Variants in AKAP6 observed in about 807,000 individuals in gnomAD.
The protein encoded by AKAP6 is A-kinase anchoring protein 6, also known as A-kinase anchor protein 6.
A neutral mutation model predicts 188.5 loss-of-function variants in AKAP6; 58 were observed. The ratio of observed to expected loss-of-function variants is 0.31; its 90% confidence interval spans 0.25 to 0.38. The LOEUF is 0.38. Ranked by LOEUF, AKAP6 falls within the 10% of genes least tolerant of loss-of-function variation. AKAP6 has a pLI of 1.00. For missense variants in AKAP6, 2,710 were observed against 2,740.0 expected, an observed-to-expected ratio of 0.99 and a Z score of 0.24; for synonymous variants, 989 against 998.6, an observed-to-expected ratio of 0.99 and a Z score of 0.18.
chr14:32,605,113 TG>T (rs1886079832), intron 7 of AKAP6, among the ~76,000 whole-genome samples: 1 of 149,414 alleles, frequency 6.7e-6, no homozygotes, highest in Non-Finnish European at 1.5e-5. Context: ...CTGAGGATAA[TG>T]GACAAGCCTT....
intron 4 of AKAP6, among the ~76,000 whole-genome samples, chr14:32,553,910 C>T (rs138960062): frequency 2.7e-4 from 41 of 152,318 alleles, no homozygotes; most frequent in African/African-American, 9.4e-4. Flanking sequence ...GGGAACTTCT[C>T]AAGGCCTAAA....
intron 7 of AKAP6, among the ~76,000 whole-genome samples, chr14:32,635,888 T>A (rs1357037180): frequency 2.0e-5 from 3 of 152,030 alleles, no homozygotes; most frequent in Non-Finnish European, 4.4e-5. Flanking sequence ...TATAAAGCCA[T>A]GTTTATTAGC....
chr14:32,623,827 A>T (rs60800580), intron 7 of AKAP6, among the ~76,000 whole-genome samples: 4,117 of 152,206 alleles, frequency 0.027, 201 homozygotes, highest in African/African-American at 0.092. Context: ...GTCTCCTAAC[A>T]AGCACTGAGC....
chr14:32,379,869 C>T lies in AKAP6; in HGVS notation c.-35+50461C>T, dbSNP rs117891821. Among the ~76,000 whole-genome samples, 46 of 152,310 alleles carry T rather than the reference C, an allele frequency of 3.0e-4. 1 individual carries two copies. The East Asian group carries it at 8.7e-3, about 29-fold the overall frequency. ...TCCTCCCTATCACTCCACCTCTAAT[C>T]GTGTATCAAACCCTGTCACATCTGC... is the stretch of plus-strand genomic sequence containing the variant. On this transcript the variant is annotated intron_variant, in intron 1 of 13. Transcript: ENST00000280979.
At chr14:32,711,294 T>C (rs760199677) in intron 9 of AKAP6, among the ~76,000 whole-genome samples, 16 of 152,088 alleles carry the variant, frequency 1.1e-4, no homozygotes, top group South Asian at 2.1e-4. Context: ...TACTCTGTTG[T>C]GCTTCTGGTA....
intron 7 of AKAP6, among the ~76,000 whole-genome samples, chr14:32,669,060 A>G (rs949434365): frequency 6.6e-6 from 1 of 152,160 alleles, no homozygotes; most frequent in African/African-American, 2.4e-5. Flanking sequence ...TTGAATGAAT[A>G]TTTGAGCTAC....
intron 7 of AKAP6, among the ~76,000 whole-genome samples, chr14:32,609,575 A>C (rs1250906312): frequency 6.6e-6 from 1 of 152,048 alleles, no homozygotes; most frequent in Non-Finnish European, 1.5e-5. Context: ...AGAGGCCAAC[A>C]CTTGTTTAGC....
rs1889049179 is a variant in AKAP6 at position 32,400,545 on chromosome 14, T to G, written c.-34-32915T>G. Among the ~76,000 whole-genome samples the G allele has an allele frequency of 2.9e-5, 4 of 138,122 alleles. No individual in the cohort carries two copies. The South Asian group carries it at 9.3e-4, about 32-fold the overall frequency. 90.6% of individuals were successfully genotyped at this position (138,122 alleles called of 152,430 possible). A position where few individuals can be genotyped will look rare whatever the true frequency, so the allele number is the denominator to read the frequency against. On this transcript the variant is annotated intron_variant, in intron 1 of 13. Transcript: ENST00000280979. ...GCTTGGCGGCAGGAGTATTTCAAGA[T>G]ATTTAGTCCACTTTTAGCAAAAAAA...
At chr14:32,582,087 C>T (rs1165166124) in intron 5 of AKAP6, among the ~76,000 whole-genome samples, 15 of 151,032 alleles carry the variant, frequency 9.9e-5, no homozygotes, top group Non-Finnish European at 1.8e-4. Flanking sequence ...TTCTTCCTAG[C>T]CTCGATGGTC....
At chr14:32,582,888 G>T (rs369822946) in intron 5 of AKAP6, among the ~76,000 whole-genome samples, 5 of 151,024 alleles carry the variant, frequency 3.3e-5, no homozygotes, top group East Asian at 1.9e-4. Flanking sequence ...TTATACATTC[G>T]TCTAAATTTT....
chr14:32,786,313 T>TTTTTTTTTTTTG (rs1566710328), intron 12 of AKAP6, among the ~76,000 whole-genome samples: 3 of 99,860 alleles, frequency 3.0e-5, no homozygotes, highest in African/African-American at 1.1e-4. Flanking sequence ...TTTTTTTTTT[T>TTTTTTTTTTTTG]TTTTTTTTTT....
intron 7 of AKAP6, among the ~76,000 whole-genome samples, chr14:32,602,345 A>G (rs1885961182): frequency 6.6e-6 from 1 of 152,154 alleles, no homozygotes; most frequent in Non-Finnish European, 1.5e-5. Context: ...AAAGTGAAAG[A>G]TGAGCCAGGC....
At position 32,535,779 on chromosome 14, in the gene AKAP6, C is replaced by G; in HGVS notation, c.550C>G (p.Gln184Glu). 6.2e-7 allele frequency: 1 copy of G among 1,613,348 alleles called. No individual in the cohort carries two copies. The highest frequency in any genetic ancestry group is 8.5e-7 in the Non-Finnish European group (1 of 1,179,436). ...CTACACTAGGCAGACGGACATTCTG[C>G]AAGCTTTCTCTGAAGAGACAAAAGA... is the stretch of plus-strand genomic sequence containing the variant. Reference protein sequence around the residue: ...GNYTRQTDILQAFSEETKEGR... With the variant: ...GNYTRQTDILEAFSEETKEGR... Residue 184 changes from glutamine (Q) to glutamate (E), a missense_variant, in exon 3 of 14, where the codon CAA (glutamine) becomes GAA (glutamate). Gln to Glu is a conservative substitution (Grantham distance 29). Coordinates refer to ENST00000280979, the MANE Select transcript of AKAP6 (RefSeq NM_004274.5).
intron 11 of AKAP6, among the ~76,000 whole-genome samples, chr14:32,748,379 G>T (rs2031995592): frequency 6.6e-6 from 1 of 152,194 alleles, no homozygotes; most frequent in Non-Finnish European, 1.5e-5. Context: ...AGAAGTGGTT[G>T]TGAGTGTTAA....
chr14:32,604,368 C>T (rs1225998521), intron 7 of AKAP6, among the ~76,000 whole-genome samples: 1 of 152,118 alleles, frequency 6.6e-6, no homozygotes, highest in African/African-American at 2.4e-5. Context: ...TCTCTCTCCA[C>T]AATCTTGGCT....
At chr14:32,376,889 G>A (rs994990109) in intron 1 of AKAP6, among the ~76,000 whole-genome samples, 1 of 152,134 alleles carries the variant, frequency 6.6e-6, no homozygotes, top group Non-Finnish European at 1.5e-5. Flanking sequence ...TAGAGATGGG[G>A]TTTCGCCATG....
chr14:32,417,489 T>C (rs1467960762), intron 1 of AKAP6, among the ~76,000 whole-genome samples: 6 of 152,170 alleles, frequency 3.9e-5, no homozygotes, highest in Admixed American at 3.9e-4. Flanking sequence ...GAGGAGTAAA[T>C]ACACAAGGAA....
intron 11 of AKAP6, among the ~76,000 whole-genome samples, chr14:32,765,018 T>A (rs981287139): frequency 6.8e-6 from 1 of 146,484 alleles, no homozygotes; most frequent in African/African-American, 2.5e-5. Context: ...CACTGCAACC[T>A]CTGCCTCCCA....
chr14:32,483,384 T>G (rs1374402781), intron 2 of AKAP6, among the ~76,000 whole-genome samples: 1 of 151,646 alleles, frequency 6.6e-6, no homozygotes, highest in African/African-American at 2.4e-5. Flanking sequence ...CTTTTAACTT[T>G]GTTTATAGCA....
Sources: allele counts gnomAD v4.1 joint callset (sites outside exome capture counted in the v4.1 genomes callset), GRCh38; gene constraint gnomAD v4.1.1; transcripts MANE v1.5; gene names NCBI Gene and HGNC (gene_info 2026-07-23, HGNC 2026-07-21).